NDRG4: variants seen among roughly 807,000 people sequenced by gnomAD.
NDRG4 encodes the protein protein NDRG4.
Under a neutral mutation model 55.8 loss-of-function variants are expected in NDRG4, and 38 were observed. The observed-to-expected ratio is 0.68, with a 90% confidence interval of 0.53 to 0.89. The LOEUF (loss-of-function observed/expected upper bound fraction) is 0.89. Among genes scored for constraint, NDRG4 ranks in the 40% least tolerant of loss-of-function variants. The pLI, the probability that NDRG4 is intolerant of heterozygous loss-of-function variation, is 0.00. For missense variants in NDRG4, 455 were observed against 468.6 expected (o/e 0.97, Z 0.27); for synonymous variants, 190 against 182.7 (o/e 1.04, Z -0.32).
intron 5 of NDRG4, among the ~76,000 whole-genome samples, chr16:58,505,061 T>G (rs2037675324): frequency 1.3e-5 from 2 of 152,086 alleles, no homozygotes; most frequent in South Asian, 4.1e-4. Context: ...AAGGCACATT[T>G]CAAAAACATC....
In NDRG4 at chr16:58,466,833, C is replaced by T. The variant is rs140637511; in HGVS notation, c.-24+3036C>T. Among the ~76,000 whole-genome samples the T allele has an allele frequency of 5.7e-3, 871 of 152,308 alleles. 19 individuals carry two copies. The highest frequency in any genetic ancestry group is 0.051 in the Admixed American group (779 of 15,302). On this transcript the variant is annotated intron_variant, in intron 1 of 15. Coordinates refer to the NDRG4 transcript ENST00000258187. ...TAAAGATGGAACTGTTGGCCCCTGT[C>T]TCTAAGAGATGGTGTAAGGCTTGCT...
intron 8 of NDRG4, chr16:58,507,587 G>A (rs1394299329): frequency 1.8e-6 from 1 of 557,894 alleles, no homozygotes; most frequent in African/African-American, 1.9e-5. Flanking sequence ...CAGCACAGGT[G>A]GCGGTGCGCA....
At position 58,507,745 on chromosome 16, in the gene NDRG4, G is replaced by C. The variant is rs2038229269; in HGVS notation, c.621-63G>C. The C allele has an allele frequency of 9.9e-6, 15 of 1,518,660 alleles. No individual in the cohort carries two copies. In the South Asian group the frequency reaches 1.7e-4, roughly 17 times the overall value. 94.1% of individuals were successfully genotyped at this position (1,518,660 alleles called of 1,614,324 possible). On this transcript the variant is annotated intron_variant, in intron 8 of 14. Coordinates refer to ENST00000570248, the MANE Select transcript of NDRG4 (RefSeq NM_001242835.2). ...TTACCAATTGGCAGTGTTGGGCTTG[G>C]GATGCCCCTCATCCTGTCCTGGGGT...
At chr16:58,498,465 A>G (rs1404779320), upstream of NDRG4, among the ~76,000 whole-genome samples, 1 of 152,112 alleles carries the variant, frequency 6.6e-6, no homozygotes, top group African/African-American at 2.4e-5. Context: ...AGATGAAGAG[A>G]TGACCACTTT....
rs2038823857 is a variant in NDRG4, at chr16:58,511,686, TTC to T, written c.*112_*113del. The T allele has an allele frequency of 2.2e-6, 3 of 1,384,060 alleles. No individual in the cohort carries two copies. The highest frequency in any genetic ancestry group is 2.3e-5 in the East Asian group (1 of 43,184). The allele number at this position is 1,384,060 out of a possible 1,614,324, so 85.7% of individuals were successfully genotyped here. A position where few individuals can be genotyped will look rare whatever the true frequency, so the allele number is the denominator to read the frequency against. ...TGAGGGCAAAGGGGAGGAAATGGGGTTCTGTTTGAAAAAAATGAGGGGATCTT... is the reference window on the plus strand; with the variant it reads ...TGAGGGCAAAGGGGAGGAAATGGGGTTGTTTGAAAAAAATGAGGGGATCTT... On this transcript the variant is annotated 3_prime_UTR_variant, in exon 15 of 15. Coordinates refer to ENST00000570248, the MANE Select transcript of NDRG4 (RefSeq NM_001242835.2).
intron 5 of NDRG4, among the ~76,000 whole-genome samples, chr16:58,505,166 G>T (rs558288013): frequency 6.6e-6 from 1 of 151,980 alleles, no homozygotes; most frequent in South Asian, 2.1e-4. Flanking sequence ...TGGCTAACAC[G>T]GTGAAACCCA....
At chr16:58,470,502 G>A (rs1215277417) in intron 1 of NDRG4, among the ~76,000 whole-genome samples, 1 of 152,232 alleles carries the variant, frequency 6.6e-6, no homozygotes, top group African/African-American at 2.4e-5. Flanking sequence ...ACCTGTAAAT[G>A]TTACCTGATG....
rs2038240338 is a variant in NDRG4, at chr16:58,507,812, A to C, written c.625A>C (p.Arg209=). ...GCCCCTCCCCCTGCCCCACAGCCGC[A>C]GAGACCTGGACATTAACCGGCCTGG... ...QLFWNMYNSR[R]DLDINRPGTV... is the part of the protein sequence containing the mutation. Residue 209 remains arginine, a synonymous_variant, in exon 9 of 15, where the codon AGA becomes CGA. Transcript: ENST00000570248. 6.2e-7 allele frequency: 1 copy of C among 1,613,524 alleles called. No individual in the cohort carries two copies. The highest frequency in any genetic ancestry group is 1.3e-5 in the African/African-American group (1 of 75,026).
At chr16:58,500,573 C>A (rs1206167719) in intron 1 of NDRG4, 3 of 546,192 alleles carry the variant, frequency 5.5e-6, no homozygotes, top group African/African-American at 3.9e-5. Context: ...TCTGACTTGG[C>A]TGCATTGCCC....
Position 58,503,886 on chromosome 16 carries a change from A to G in NDRG4, c.110A>G (p.His37Arg), listed in dbSNP as rs1468311830. ...AACCGCCCAGCCATCCTCACCTACC[A>G]TGATGTGGGCCTCAACCGTAAGTGC... ...KGNRPAILTY[H>R]DVGLNHKLCF... is the part of the protein sequence containing the mutation. The change falls in exon 2 of 15, where the codon CAT (histidine) becomes CGT (arginine). Residue 37 changes from histidine (H) to arginine (R), a missense_variant. Transcript: ENST00000570248. The G allele has an allele frequency of 6.2e-7, 1 of 1,613,694 alleles. No homozygotes were observed. The highest frequency in any genetic ancestry group is 8.5e-7 in the Non-Finnish European group (1 of 1,179,976).
At chr16:58,495,727 A>G (rs920733092), upstream of NDRG4, among the ~76,000 whole-genome samples, 8 of 152,198 alleles carry the variant, frequency 5.3e-5, no homozygotes, top group African/African-American at 1.7e-4. Context: ...GATCAGTGTG[A>G]GAATCTGGGC....
intron 1 of NDRG4, chr16:58,487,635 T>G (rs2035255190): frequency 1.4e-6 from 1 of 703,744 alleles, no homozygotes; most frequent in Non-Finnish European, 2.2e-6. Context: ...GGGCTGCGCT[T>G]GGGGGCCAGG....
chr16:58,492,573 G>T (rs997329908), intron 2 of NDRG4, among the ~76,000 whole-genome samples: 1 of 143,598 alleles, frequency 7.0e-6, no homozygotes. Context: ...AGACAGTCTC[G>T]CCCTGTCACC....
At chr16:58,471,809 G>A (rs1055706295) in intron 1 of NDRG4, among the ~76,000 whole-genome samples, 3 of 152,184 alleles carry the variant, frequency 2.0e-5, no homozygotes, top group Admixed American at 2.0e-4. Context: ...TAGGCAGTGA[G>A]CTGGGGAAGG....
chr16:58,482,665 A>ATCCCTCCCTTCCTTCC (rs71155270), intron 1 of NDRG4, among the ~76,000 whole-genome samples: 49,613 of 71,212 alleles, frequency 0.7, 20,481 homozygotes, highest in Non-Finnish European at 0.91. Context: ...CTCTCTTTCC[A>ATCCCTCCCTTCCTTCC]TCCCTCCCTT....
At chr16:58,482,924 G>A (rs903272840) in intron 1 of NDRG4, among the ~76,000 whole-genome samples, 4 of 152,032 alleles carry the variant, frequency 2.6e-5, no homozygotes, top group African/African-American at 9.7e-5. Context: ...TTGGATTACA[G>A]GCACCCGCCA....
intron 1 of NDRG4, among the ~76,000 whole-genome samples, chr16:58,503,419 A>G (rs549708594): frequency 6.6e-6 from 1 of 152,266 alleles, no homozygotes; most frequent in East Asian, 1.9e-4. Flanking sequence ...GAAGTGCCTG[A>G]GAGTTCTGAG....
intron 8 of NDRG4, chr16:58,507,591 G>C (rs769873640): frequency 3.6e-4 from 199 of 559,384 alleles, no homozygotes; most frequent in Admixed American, 7.0e-4. Context: ...ACAGGTGGCG[G>C]TGCGCATGGC....
chr16:58,501,124 T>C, intron 1 of NDRG4: 1 of 1,184,526 alleles, frequency 8.4e-7, no homozygotes, highest in Non-Finnish European at 1.1e-6. Context: ...AGGGGCAGAC[T>C]CACCCCCACC....
Sources: allele counts gnomAD v4.1 joint callset (sites outside exome capture counted in the v4.1 genomes callset), GRCh38; gene constraint gnomAD v4.1.1; transcripts MANE v1.5; gene names NCBI Gene and HGNC (gene_info 2026-07-23, HGNC 2026-07-21).